The following SLCO3A1 variants were observed in gnomAD, a reference collection of about 807,000 sequenced individuals.
The protein encoded by SLCO3A1 is PGE1 transporter.
SLCO3A1 carries 27 observed loss-of-function variants against 63.1 expected under a neutral mutation model. That is an observed-to-expected ratio of 0.43 (90% CI 0.32 to 0.59). The LOEUF is 0.59. SLCO3A1 is among the 20% of genes least tolerant of loss of function. SLCO3A1 has a pLI of 0.09. For missense variants in SLCO3A1, 773 were observed against 945.8 expected (o/e 0.82, Z 2.40); for synonymous variants, 473 against 409.9 (o/e 1.15, Z -1.86).
At position 91,886,939 on chromosome 15, in the gene SLCO3A1, G is replaced by C. The variant is rs1301705829; in HGVS notation, c.181-29054G>C. ...AAAAATTCTGCTTACAGCTGAAGTT[G>C]CAGTTGCGTGGGAGAGGGAGCAGGA... On this transcript the variant is annotated intron_variant, in intron 1 of 9. Transcript: ENST00000318445. The surrounding 1 kb of genome is among the most constrained non-coding windows in gnomAD (Gnocchi z 4.9). Among the ~76,000 whole-genome samples the C allele has an allele frequency of 1.3e-5, 2 of 152,200 alleles. No homozygotes were observed. Among genetic ancestry groups the C allele is most frequent in the Non-Finnish European group, 2.9e-5 (2 of 68,038 alleles).
At chr15:91,857,054 G>C (rs1373271419) in intron 1 of SLCO3A1, among the ~76,000 whole-genome samples, 13 of 150,060 alleles carry the variant, frequency 8.7e-5, no homozygotes, top group African/African-American at 3.2e-4. Flanking sequence ...GTGTGTGTGT[G>C]TGTGTGTGTG....
intron 2 of SLCO3A1, among the ~76,000 whole-genome samples, chr15:92,027,188 G>A (rs2046585498): frequency 6.6e-6 from 1 of 152,098 alleles, no homozygotes; most frequent in African/African-American, 2.4e-5. Context: ...AAGAAGCAAA[G>A]CCAAATAATG....
chr15:92,114,560 G>C (rs899039207), intron 4 of SLCO3A1, among the ~76,000 whole-genome samples: 1 of 152,108 alleles, frequency 6.6e-6, no homozygotes, highest in African/African-American at 2.4e-5. Flanking sequence ...TCTCCTAGGG[G>C]TCACCCCACC....
chr15:91,878,564 C>T (rs1386712941), intron 1 of SLCO3A1, among the ~76,000 whole-genome samples: 2 of 152,154 alleles, frequency 1.3e-5, no homozygotes, highest in Non-Finnish European at 2.9e-5. Flanking sequence ...AGCTTCCGCT[C>T]GGTATGCAGA....
At chr15:91,926,803 C>T (rs1899047820) in intron 2 of SLCO3A1, among the ~76,000 whole-genome samples, 1 of 152,010 alleles carries the variant, frequency 6.6e-6, no homozygotes, top group South Asian at 2.1e-4. Context: ...GAGTCGGGGC[C>T]ATAACCTTTT....
Position 91,860,982 on chromosome 15 carries a change from G to A in SLCO3A1, c.180+6894G>A, listed in dbSNP as rs556032719. Among the ~76,000 whole-genome samples, 99 of 152,198 alleles carry A rather than the reference G, an allele frequency of 6.5e-4. No individual in the cohort carries two copies. The highest frequency in any genetic ancestry group is 3.4e-3 in the Middle Eastern group (1 of 294). On this transcript the variant is annotated intron_variant, in intron 1 of 9. Transcript: ENST00000318445. The surrounding 1 kb of genome is among the most constrained non-coding windows in gnomAD (Gnocchi z 5.5). Reference sequence around the variant, plus strand: ...ATACCTTCTGCACAACACCACTCCCGTTCCATCTGTAGTCTTAGAAGCAGC... The same window carrying A: ...ATACCTTCTGCACAACACCACTCCCATTCCATCTGTAGTCTTAGAAGCAGC...
chr15:91,973,519 G>A (rs774790453), intron 2 of SLCO3A1, among the ~76,000 whole-genome samples: 6 of 152,210 alleles, frequency 3.9e-5, no homozygotes, highest in Non-Finnish European at 5.9e-5. Flanking sequence ...TTGTCTGAGT[G>A]TCTAAAATCA....
At chr15:92,097,024 C>T (rs74030474) in intron 3 of SLCO3A1, among the ~76,000 whole-genome samples, 2 of 152,142 alleles carry the variant, frequency 1.3e-5, no homozygotes. Context: ...CAGCACAAGA[C>T]AGGGCCAGCA....
chr15:92,130,019 T>A (rs986688731), intron 7 of SLCO3A1, among the ~76,000 whole-genome samples: 8 of 152,166 alleles, frequency 5.3e-5, no homozygotes, highest in African/African-American at 1.9e-4. Context: ...TGACAACAAT[T>A]TCATTAACAT....
At chr15:91,925,378 A>G (rs2151385879) in intron 2 of SLCO3A1, among the ~76,000 whole-genome samples, 1 of 152,230 alleles carries the variant, frequency 6.6e-6, no homozygotes, top group South Asian at 2.1e-4. Flanking sequence ...CTTAGTGGGA[A>G]GTAAGTTCTT....
At chr15:91,926,775 C>G (rs938825453) in intron 2 of SLCO3A1, among the ~76,000 whole-genome samples, 4 of 152,072 alleles carry the variant, frequency 2.6e-5, no homozygotes, top group Non-Finnish European at 4.4e-5. Context: ...GCTAAAGGTT[C>G]TTGGATGTGC....
intron 2 of SLCO3A1, among the ~76,000 whole-genome samples, chr15:92,080,952 G>A (rs989961985): frequency 5.7e-4 from 63 of 109,972 alleles, no homozygotes; most frequent in Admixed American, 1.3e-3. Context: ...GTGTGTGTGT[G>A]TGTGTGTGTG....
intron 7 of SLCO3A1, among the ~76,000 whole-genome samples, chr15:92,133,966 G>A (rs28704975): frequency 0.14 from 21,996 of 152,168 alleles, 1,836 homozygotes; most frequent in Non-Finnish European, 0.18. Context: ...AACAAACAGC[G>A]TGTCTGCCCT....
intron 2 of SLCO3A1, among the ~76,000 whole-genome samples, chr15:92,074,887 C>T (rs1596077541): frequency 1.3e-5 from 2 of 152,198 alleles, no homozygotes; most frequent in Non-Finnish European, 2.9e-5. Flanking sequence ...AAGTACTTCA[C>T]ACCCGTGGCA....
Position 91,853,733 on chromosome 15 carries a change from C to CGGCGGCG in SLCO3A1, c.-175_-174insGCGGCGG. On this transcript the variant is annotated 5_prime_UTR_variant, in exon 1 of 10. Transcript: ENST00000318445. The stretch of plus-strand genomic sequence containing the variant: ...GCGATCGCGGCGGCGGCGGCGGCGG[C>CGGCGGCG]GAGGAGCTGTGCCTTCCACCTCTCC... The CGGCGGCG allele has an allele frequency of 1.8e-6, 1 of 564,906 alleles. No homozygotes were observed. Among genetic ancestry groups the CGGCGGCG allele is most frequent in the South Asian group, 7.6e-5 (1 of 13,148 alleles). The allele number at this position is 564,906 out of a possible 1,614,324, so 35.0% of individuals were successfully genotyped here. A position where few individuals can be genotyped will look rare whatever the true frequency, so the allele number is the denominator to read the frequency against.
intron 4 of SLCO3A1, among the ~76,000 whole-genome samples, chr15:92,105,561 G>A (rs377506564): frequency 1.4e-4 from 22 of 152,306 alleles, no homozygotes; most frequent in African/African-American, 5.1e-4. Context: ...ATCCTTTAAA[G>A]ACGAGGAAAA....
At chr15:92,032,492 G>C (rs746273305) in intron 2 of SLCO3A1, among the ~76,000 whole-genome samples, 1 of 152,186 alleles carries the variant, frequency 6.6e-6, no homozygotes, top group African/African-American at 2.4e-5. Context: ...TCAGTGCAGG[G>C]GTGGTGAGGG....
chr15:92,022,558 A>C (rs1029273499), intron 2 of SLCO3A1, among the ~76,000 whole-genome samples: 1 of 152,242 alleles, frequency 6.6e-6, no homozygotes, highest in African/African-American at 2.4e-5. Context: ...TCGTGAGAGA[A>C]GACAGAAAGC....
rs1231051860 is a variant in SLCO3A1, at chr15:91,950,900, G to GAGAA, written c.646+34452_646+34455dup. 1.3e-5 allele frequency among the ~76,000 whole-genome samples: 2 copies of GAGAA among 150,474 alleles called. No homozygotes were observed. The highest frequency in any genetic ancestry group is 6.6e-5 in the Admixed American group (1 of 15,156). ...CCAACAGGTGGCTTATATCCAATCT[G>GAGAA]AGAAAGAAAGAAAAAAAAAAAAGTA... On this transcript the variant is annotated intron_variant, in intron 2 of 9. Transcript: ENST00000318445. The surrounding 1 kb of genome is among the most constrained non-coding windows in gnomAD (Gnocchi z 4.4).
Sources: allele counts gnomAD v4.1 joint callset (sites outside exome capture counted in the v4.1 genomes callset), GRCh38; gene constraint gnomAD v4.1.1; non-coding constraint Gnocchi (gnomAD v3.1); transcripts MANE v1.5; gene names NCBI Gene and HGNC (gene_info 2026-07-23, HGNC 2026-07-21).